MTIF2: variants seen among roughly 807,000 people sequenced by gnomAD.
MTIF2 encodes mitochondrial translational initiation factor 2, also known as translation initiation factor IF-2, mitochondrial.
A neutral mutation model predicts 83.5 loss-of-function variants in MTIF2; 71 were observed. That is an observed-to-expected ratio of 0.85 (90% CI 0.70 to 1.04). The LOEUF (loss-of-function observed/expected upper bound fraction) is 1.04, where lower values mean the gene tolerates loss of function less well. MTIF2 is among the 50% of genes least tolerant of loss of function. MTIF2 has a pLI of 0.00. For synonymous variants in MTIF2, 319 were observed against 287.1 expected (o/e 1.11, Z -1.12); for missense variants, 957 against 846.5 (o/e 1.13, Z -1.62).
At chr2:55,237,893 C>G (rs1676006008) in intron 14 of MTIF2, among the ~76,000 whole-genome samples, 1 of 152,058 alleles carries the variant, frequency 6.6e-6, no homozygotes, top group African/African-American at 2.4e-5. Context: ...TCAAGTGATC[C>G]ACCCACCTCA....
chr2:55,259,943 C>G (rs1013759455), intron 5 of MTIF2, among the ~76,000 whole-genome samples: 4 of 150,230 alleles, frequency 2.7e-5, no homozygotes, highest in African/African-American at 9.8e-5. Flanking sequence ...GACTCTGCTT[C>G]AAAAAAAAAG....
intron 5 of MTIF2, among the ~76,000 whole-genome samples, chr2:55,259,801 G>A (rs961929213): frequency 3.7e-4 from 56 of 152,208 alleles, no homozygotes; most frequent in African/African-American, 1.3e-3. Flanking sequence ...AATATTAGCT[G>A]GGTGTGGTGG....
At chr2:55,251,090 A>G (rs12052613) in intron 8 of MTIF2, among the ~76,000 whole-genome samples, 98,886 of 142,808 alleles carry the variant, frequency 0.69, 35,703 homozygotes, top group Non-Finnish European at 0.79. Context: ...AGCCTGGGCA[A>G]TAAGAGCAAA....
intron 13 of MTIF2, 113 bp from the exon 14 acceptor site, chr2:55,240,288 A>C (rs1348337027): frequency 2.0e-6 from 2 of 1,011,034 alleles, no homozygotes; most frequent in Non-Finnish European, 2.8e-6. Flanking sequence ...AAATTAAAAT[A>C]GCAAATAAGA....
intron 5 of MTIF2, among the ~76,000 whole-genome samples, chr2:55,256,845 C>T (rs1000166719): frequency 6.7e-5 from 10 of 149,402 alleles, no homozygotes; most frequent in African/African-American, 2.4e-4. Context: ...ATAGCTGGGA[C>T]CACAGGTGCC....
chr2:55,261,763 A>G (rs1282630978), intron 5 of MTIF2, among the ~76,000 whole-genome samples: 1 of 151,406 alleles, frequency 6.6e-6, no homozygotes, highest in Non-Finnish European at 1.5e-5. Context: ...ACATAGTGAG[A>G]CTCTGTCTCT....
chr2:55,261,090 C>T (rs1218028418), intron 5 of MTIF2, among the ~76,000 whole-genome samples: 1 of 151,766 alleles, frequency 6.6e-6, no homozygotes, highest in Non-Finnish European at 1.5e-5. Flanking sequence ...CGGTTCACGC[C>T]ATTCTCCTGC....
At chr2:55,246,247 TAA>T in intron 10 of MTIF2, 88 bp downstream of exon 10, 1 of 1,274,850 alleles carries the variant, frequency 7.8e-7, no homozygotes. Flanking sequence ...GAACTAACAA[TAA>T]CATGTAACAA....
intron 5 of MTIF2, among the ~76,000 whole-genome samples, chr2:55,255,443 TAATA>T (rs1356780847): frequency 2.8e-5 from 4 of 143,896 alleles, no homozygotes; most frequent in African/African-American, 7.5e-5. Context: ...ATATTATGTA[TAATA>T]TATATATATA....
Position 55,254,172 on chromosome 2 carries a change from G to C in MTIF2, c.533C>G (p.Pro178Arg), listed in dbSNP as rs150849758. The C allele has an allele frequency of 6.2e-7, 1 of 1,613,980 alleles. No individual in the cohort carries two copies. Among genetic ancestry groups the C allele is most frequent in the East Asian group, 2.2e-5 (1 of 44,878 alleles). The change falls in exon 7 of 16, where the codon CCA (proline) becomes CGA (arginine). Residue 178 changes from proline (P) to arginine (R), a missense_variant. Coordinates refer to ENST00000263629, the MANE Select transcript of MTIF2 (RefSeq NM_002453.3). ...RPQADPALLT[P>R]RSPVVTIMGH... ...CATTATAGTAACAACTGGGGACCTT[G>C]GGGTTAATAAAGCTGGATCTGCCTG...
intron 10 of MTIF2, 69 bp downstream of exon 10, chr2:55,246,268 C>A: frequency 1.4e-6 from 2 of 1,455,462 alleles, no homozygotes; most frequent in Non-Finnish European, 1.9e-6. Context: ...AAAAATAATA[C>A]ATTGTCATAT....
At chr2:55,259,058 C>T (rs988883558) in intron 5 of MTIF2, among the ~76,000 whole-genome samples, 5 of 152,082 alleles carry the variant, frequency 3.3e-5, no homozygotes, top group African/African-American at 1.2e-4. Context: ...ATACATTATA[C>T]TGAACTTTTG....
intron 4 of MTIF2, 35 bp downstream of exon 4, chr2:55,263,605 A>T: frequency 4.0e-6 from 6 of 1,493,444 alleles, no homozygotes; most frequent in Non-Finnish European, 3.7e-6. Flanking sequence ...GTGAGACTCC[A>T]TCTCAAAAAA....
chr2:55,259,576 G>T (rs185620063), intron 5 of MTIF2, among the ~76,000 whole-genome samples: 1 of 151,164 alleles, frequency 6.6e-6, no homozygotes, highest in East Asian at 1.9e-4. Context: ...TAAAATATCT[G>T]TTGTCACTGA....
At chr2:55,249,938 C>T (rs539704299) in intron 8 of MTIF2, among the ~76,000 whole-genome samples, 3 of 152,040 alleles carry the variant, frequency 2.0e-5, no homozygotes, top group Admixed American at 2.0e-4. Context: ...CTAAAAAATA[C>T]AAAAATTAGC....
At chr2:55,239,248 C>T (rs936819516) in intron 14 of MTIF2, among the ~76,000 whole-genome samples, 1 of 151,934 alleles carries the variant, frequency 6.6e-6, no homozygotes, top group Admixed American at 6.5e-5. Context: ...TTGATTAGTT[C>T]TGTAGTTTTA....
intron 3 of MTIF2, chr2:55,266,384 G>C (rs1432462786): frequency 6.6e-6 from 1 of 151,722 alleles, no homozygotes; most frequent in East Asian, 1.9e-4. Context: ...AAATTACCTG[G>C]GCGTGGTGGC....
Position 55,244,151 on chromosome 2 carries a change from G to A in MTIF2, c.1189C>T (p.Arg397Cys), listed in dbSNP as rs763760549. 9.9e-6 allele frequency: 16 copies of A among 1,613,848 alleles called. No individual in the cohort carries two copies. Among genetic ancestry groups the A allele is most frequent in the Middle Eastern group, 1.6e-4 (1 of 6,084 alleles). The change falls in exon 11 of 16, where the codon CGC becomes TGC. Residue 397 changes from arginine to cysteine, a missense_variant. Transcript: ENST00000263629. ...TTTCCATTTTCATCAAACATTAAGC[G>A]TACTTTTGCCCAACATTTTCCAGCA... is the stretch of plus-strand genomic sequence containing the variant. Reference protein sequence around the residue: ...LVAGKCWAKVRLMFDENGKTI... With the variant: ...LVAGKCWAKVCLMFDENGKTI...
In MTIF2 at chr2:55,262,706, C is replaced by G. The variant is rs538318466; in HGVS notation, c.220-279G>C. ...TACAGGTGTGCACCACCAAGCCCAG[C>G]TAATTTTTGTATTTTTTTTTTTTGT... On this transcript the variant is annotated intron_variant, in intron 4 of 15. Coordinates refer to ENST00000263629, the MANE Select transcript of MTIF2 (RefSeq NM_002453.3). 3.7e-5 allele frequency among the ~76,000 whole-genome samples: 5 copies of G among 133,900 alleles called. 1 individual carries two copies. Among genetic ancestry groups the G allele is most frequent in the Non-Finnish European group, 8.1e-5 (5 of 61,740 alleles). The allele number at this position is 133,900 out of a possible 152,430, so 87.8% of individuals were successfully genotyped here.
Sources: allele counts gnomAD v4.1 joint callset (sites outside exome capture counted in the v4.1 genomes callset), GRCh38; gene constraint gnomAD v4.1.1; transcripts MANE v1.5; gene names NCBI Gene and HGNC (gene_info 2026-07-23, HGNC 2026-07-21).